XIRP2: variants seen among roughly 807,000 people sequenced by gnomAD.
The protein encoded by XIRP2 is xin actin-binding repeat-containing protein 2.
XIRP2 carries 236 observed loss-of-function variants against 277.0 expected under a neutral mutation model. That is an observed-to-expected ratio of 0.85 (90% CI 0.77 to 0.95). XIRP2 has a LOEUF of 0.95. Ranked by LOEUF, XIRP2 falls within the 40% of genes least tolerant of loss-of-function variation. The probability of loss-of-function intolerance (pLI) is 0.00; values close to 1 mark genes in which losing one functional copy is unlikely to be tolerated. For synonymous variants in XIRP2, 1,490 were observed against 1,416.5 expected, an observed-to-expected ratio of 1.05 and a Z score of -1.17; for missense variants, 4,640 against 4,157.5, an observed-to-expected ratio of 1.12 and a Z score of -3.19.
At chr2:166,912,012 C>G (rs1381879974) in intron 2 of XIRP2, among the ~76,000 whole-genome samples, 2 of 152,140 alleles carry the variant, frequency 1.3e-5, no homozygotes, top group African/African-American at 4.8e-5. Flanking sequence ...TGTGAGTAAC[C>G]CGACCTTTCT....
rs796461318 is a variant in XIRP2, at chr2:167,222,842, T to C, written c.858+4542T>C. 4.6e-5 allele frequency among the ~76,000 whole-genome samples: 7 copies of C among 152,340 alleles called. 1 individual carries two copies. Among genetic ancestry groups the C allele is most frequent in the South Asian group, 2.1e-4 (1 of 4,830 alleles). On this transcript the variant is annotated intron_variant, in intron 5 of 10. Coordinates refer to ENST00000409195, the MANE Select transcript of XIRP2 (RefSeq NM_152381.6). ...CCACTCTATGGTTTCTGTGTGGTTATTTTTAGGACTTTCTTCCTCTTTTTT... is the reference window on the plus strand; with the variant it reads ...CCACTCTATGGTTTCTGTGTGGTTACTTTTAGGACTTTCTTCCTCTTTTTT...
Position 167,239,880 on chromosome 2 carries a change from G to T in XIRP2, c.884G>T (p.Gly295Val). 6.2e-7 allele frequency: 1 copy of T among 1,609,428 alleles called. No homozygotes were observed. Among genetic ancestry groups the T allele is most frequent in the African/African-American group, 1.3e-5 (1 of 74,586 alleles). ...GAGGCAATTCATAGCAGCCAGGTTG[G>T]CACTTCAAGAAGCAGCCAGGAAATG... ...EQEAIHSSQVGTSRSSQEMAR... is the reference protein window; with the variant it reads ...EQEAIHSSQVVTSRSSQEMAR... The change falls in exon 6 of 11, where the codon GGC (glycine) becomes GTC (valine). Residue 295 changes from glycine (G) to valine (V), a missense_variant. By Grantham distance (109) the Gly-to-Val change is moderately radical. Coordinates refer to ENST00000409195, the MANE Select transcript of XIRP2 (RefSeq NM_152381.6).
Position 167,251,115 on chromosome 2 carries a change from A to C in XIRP2, c.9723A>C (p.Pro3241=). The change falls in exon 9 of 11, where the codon CCA becomes CCC. Residue 3241 remains proline (P), a synonymous_variant. Transcript: ENST00000409195. The part of the protein sequence containing the change: ...GRDSPPTITI[P]VNINHAASGS... The stretch of plus-strand genomic sequence containing the variant: ...ACTCTCCACCTACAATCACAATACC[A>C]GTAAATATAAATCATGCTGCTAGTG... 6.2e-7 allele frequency: 1 copy of C among 1,613,574 alleles called. No individual in the cohort carries two copies. Among genetic ancestry groups the C allele is most frequent in the Non-Finnish European group, 8.5e-7 (1 of 1,179,736 alleles).
intron 2 of XIRP2, among the ~76,000 whole-genome samples, chr2:166,966,105 T>C (rs1023759457): frequency 6.6e-6 from 1 of 151,876 alleles, no homozygotes; most frequent in African/African-American, 2.4e-5. Flanking sequence ...TAATTTTATA[T>C]AAACCTCCAT....
chr2:167,086,521 A>T (rs1037209438), intron 2 of XIRP2, among the ~76,000 whole-genome samples: 1 of 151,638 alleles, frequency 6.6e-6, no homozygotes, highest in East Asian at 1.9e-4. Context: ...TCTCCTGGAT[A>T]ATATCCTGCA....
At chr2:167,139,792 T>C (rs1448573396) in intron 3 of XIRP2, among the ~76,000 whole-genome samples, 1 of 152,164 alleles carries the variant, frequency 6.6e-6, no homozygotes, top group Non-Finnish European at 1.5e-5. Context: ...ATCTGTGCGG[T>C]CCAATATGGT....
chr2:167,257,763 T>C, intron 10 of XIRP2, 94 bp from the exon 11 acceptor site: 1 of 1,298,776 alleles, frequency 7.7e-7, no homozygotes, highest in East Asian at 2.4e-5. Context: ...AACTTAAGTT[T>C]ACTAGTCTGT....
chr2:167,092,003 G>T (rs1007470992), intron 2 of XIRP2, among the ~76,000 whole-genome samples: 5 of 152,134 alleles, frequency 3.3e-5, no homozygotes, highest in Non-Finnish European at 5.9e-5. Flanking sequence ...GTGTTGACTT[G>T]TTGGGCCAAG....
intron 2 of XIRP2, among the ~76,000 whole-genome samples, chr2:166,941,040 G>A (rs901137068): frequency 1.3e-5 from 2 of 152,206 alleles, no homozygotes; most frequent in Non-Finnish European, 2.9e-5. Context: ...CTTGCCCCGA[G>A]AGGTGGAGTC....
In XIRP2 at chr2:167,258,189, AAACCTT is replaced by A. The variant is rs1483772990; in HGVS notation, c.*374_*379del. On this transcript the variant is annotated 3_prime_UTR_variant, in exon 11 of 11. Transcript: ENST00000409195. ...CCTCCTTCCAAGGAGATCCCTAAGAAAACCTTACCCTTTGAGGAAGAGCTCAAAATG... is the reference window on the plus strand; with the variant it reads ...CCTCCTTCCAAGGAGATCCCTAAGAAACCCTTTGAGGAAGAGCTCAAAATG... 3 of 1,613,018 alleles carry A rather than the reference AAACCTT, an allele frequency of 1.9e-6. No homozygotes were observed. The highest frequency in any genetic ancestry group is 2.5e-6 in the Non-Finnish European group (3 of 1,179,588).
At chr2:167,160,942 C>T (rs1378577377) in intron 3 of XIRP2, among the ~76,000 whole-genome samples, 1 of 152,154 alleles carries the variant, frequency 6.6e-6, no homozygotes, top group East Asian at 1.9e-4. Flanking sequence ...AATGGGAGTA[C>T]AGGTATTGGG....
intron 2 of XIRP2, among the ~76,000 whole-genome samples, chr2:167,022,929 C>G (rs1688027198): frequency 6.6e-6 from 1 of 152,234 alleles, no homozygotes; most frequent in South Asian, 2.1e-4. Flanking sequence ...GTGCATGTGT[C>G]TTTATAGCAG....
Position 167,071,437 on chromosome 2 carries a change from G to T in XIRP2, c.409-64472G>T, listed in dbSNP as rs189132855. ...TATACTATTATGGTTCCGACACGCC[G>T]GAACAAGCCTGCCAAGACACCTGGG... On this transcript the variant is annotated intron_variant, in intron 2 of 10. Coordinates refer to ENST00000409195, the MANE Select transcript of XIRP2 (RefSeq NM_152381.6). Among the ~76,000 whole-genome samples, 78 of 152,226 alleles carry T rather than the reference G, an allele frequency of 5.1e-4. 1 individual carries two copies. Among genetic ancestry groups the T allele is most frequent in the African/African-American group, 1.9e-3 (77 of 41,542 alleles).
rs780628570 is a variant in XIRP2 at position 167,250,547 on chromosome 2, C to CA, written c.9156dup (p.Ser3053IlefsTer6). 6 of 1,613,546 alleles carry CA rather than the reference C, an allele frequency of 3.7e-6. No homozygotes were observed. The highest frequency in any genetic ancestry group is 5.1e-6 in the Non-Finnish European group (6 of 1,179,702). On this transcript the variant is annotated frameshift_variant, in exon 9 of 11. Transcript: ENST00000409195. LOFTEE classifies it high-confidence loss of function. The stretch of plus-strand genomic sequence containing the variant: ...AATAAACCCACTAGTCTTGATGAAA[C>CA]ATCATCCAAAGTATCTAATGTTCAT...
chr2:167,232,187 G>A (rs921791476), intron 5 of XIRP2, among the ~76,000 whole-genome samples: 4 of 151,856 alleles, frequency 2.6e-5, no homozygotes, highest in Non-Finnish European at 5.9e-5. Flanking sequence ...TATCTTTTAG[G>A]CAAAGAAGAA....
chr2:167,141,748 C>G (rs1230963912), intron 3 of XIRP2, among the ~76,000 whole-genome samples: 1 of 152,050 alleles, frequency 6.6e-6, no homozygotes, highest in African/African-American at 2.4e-5. Flanking sequence ...GTAGACCCAG[C>G]TACCAGGGAG....
At chr2:166,994,521 A>AATTTAATG (rs1687153790) in intron 2 of XIRP2, among the ~76,000 whole-genome samples, 1 of 148,000 alleles carries the variant, frequency 6.8e-6, no homozygotes. Flanking sequence ...TTGAAGGCTT[A>AATTTAATG]ATTTAATGTG....
intron 3 of XIRP2, among the ~76,000 whole-genome samples, chr2:167,189,038 T>C (rs1693246683): frequency 6.6e-6 from 1 of 152,186 alleles, no homozygotes. Flanking sequence ...ACAAGGTTCA[T>C]TGATAATGTA....
At chr2:167,088,281 C>T (rs1690024296) in intron 2 of XIRP2, among the ~76,000 whole-genome samples, 1 of 152,064 alleles carries the variant, frequency 6.6e-6, no homozygotes. Context: ...TATCTTTTAT[C>T]CTAGCCACCT....
Sources: allele counts gnomAD v4.1 joint callset (sites outside exome capture counted in the v4.1 genomes callset), GRCh38; gene constraint gnomAD v4.1.1; transcripts MANE v1.5; gene names NCBI Gene and HGNC (gene_info 2026-07-23, HGNC 2026-07-21).